The following ARHGEF7 variants were observed in gnomAD, a reference collection of about 807,000 sequenced individuals.
ARHGEF7 encodes PAK-interacting exchange factor beta.
Under a neutral mutation model 109.8 loss-of-function variants are expected in ARHGEF7, and 33 were observed. That is an observed-to-expected ratio of 0.30 (90% CI 0.23 to 0.40). The LOEUF is 0.40. Ranked by LOEUF, ARHGEF7 falls within the 10% of genes least tolerant of loss-of-function variation. ARHGEF7 has a pLI of 1.00. For synonymous variants in ARHGEF7, 458 were observed against 424.6 expected (o/e 1.08, Z -0.97); for missense variants, 938 against 1,098.5 (o/e 0.85, Z 2.07).
At chr13:111,259,043 A>G (rs1192889164) in intron 8 of ARHGEF7, among the ~76,000 whole-genome samples, 1 of 152,166 alleles carries the variant, frequency 6.6e-6, no homozygotes, top group Non-Finnish European at 1.5e-5. Flanking sequence ...CTTGGGTGCC[A>G]CAAGAAATAT....
At chr13:111,164,413 C>G (rs1185085040) in intron 2 of ARHGEF7, among the ~76,000 whole-genome samples, 1 of 152,182 alleles carries the variant, frequency 6.6e-6, no homozygotes, top group East Asian at 1.9e-4. Context: ...CTGGCAAGGC[C>G]CATGGGCAAG....
intron 4 of ARHGEF7, among the ~76,000 whole-genome samples, chr13:111,212,938 G>A (rs941192847): frequency 2.6e-5 from 4 of 152,126 alleles, no homozygotes; most frequent in Non-Finnish European, 5.9e-5. Context: ...GGAAACTGAA[G>A]CTTAGAGAAG....
At chr13:111,262,246 G>A (rs1384103071) in intron 8 of ARHGEF7, among the ~76,000 whole-genome samples, 6 of 151,984 alleles carry the variant, frequency 3.9e-5, no homozygotes, top group South Asian at 2.1e-4. Flanking sequence ...TTTCTTTTTT[G>A]TTTCTGATTT....
Position 111,243,865 on chromosome 13 carries a change from A to AT in ARHGEF7, c.760-5dup. The AT allele has an allele frequency of 6.4e-7, 1 of 1,556,706 alleles. No individual in the cohort carries two copies. Among genetic ancestry groups the AT allele is most frequent in the Non-Finnish European group, 8.8e-7 (1 of 1,133,676 alleles). ...GTCAAATAACACTTATTCATCATTT[A>AT]TTATAGGTGCTACAGAATATTTTAG... On this transcript the variant is annotated splice_region_variant and splice_polypyrimidine_tract_variant and intron_variant, in intron 6 of 21. Coordinates refer to ENST00000646102, the MANE Select transcript of ARHGEF7 (RefSeq NM_001354046.2).
intron 1 of ARHGEF7, among the ~76,000 whole-genome samples, chr13:111,127,258 A>G (rs1389604752): frequency 1.3e-5 from 2 of 152,232 alleles, no homozygotes; most frequent in East Asian, 3.8e-4. Flanking sequence ...AAATTTGTAG[A>G]TAAAATTCTT....
At position 111,273,697 on chromosome 13, in the gene ARHGEF7, G is replaced by C; in HGVS notation, c.1074-117G>C. ...TTGGGATAAAAGCTGGAGCCTTCCAGATGTTAAAAGCAACACTTATGTTTC... is the reference window on the plus strand; with the variant it reads ...TTGGGATAAAAGCTGGAGCCTTCCACATGTTAAAAGCAACACTTATGTTTC... On this transcript the variant is annotated intron_variant, in intron 9 of 21. Coordinates refer to ENST00000646102, the MANE Select transcript of ARHGEF7 (RefSeq NM_001354046.2). This position sits in a 1 kb window ranked among gnomAD's most constrained non-coding sequence, Gnocchi z 4.5. 7.1e-7 allele frequency: 1 copy of C among 1,410,098 alleles called. No homozygotes were observed. The highest frequency in any genetic ancestry group is 9.8e-7 in the Non-Finnish European group (1 of 1,019,870). The allele number at this position is 1,410,098 out of a possible 1,614,324, so 87.3% of individuals were successfully genotyped here.
intron 2 of ARHGEF7, among the ~76,000 whole-genome samples, chr13:111,180,536 C>T (rs549927334): frequency 6.6e-6 from 1 of 152,310 alleles, no homozygotes; most frequent in Admixed American, 6.5e-5. Context: ...AGAGGAGCTT[C>T]TCAGTACCAG....
intron 1 of ARHGEF7, among the ~76,000 whole-genome samples, chr13:111,132,373 T>C (rs1284366979): frequency 6.6e-6 from 1 of 152,178 alleles, no homozygotes. Flanking sequence ...CTTTGATTCA[T>C]TTGATAGTGA....
chr13:111,143,143 A>T (rs947196803), intron 1 of ARHGEF7, among the ~76,000 whole-genome samples: 2 of 152,214 alleles, frequency 1.3e-5, no homozygotes, highest in Non-Finnish European at 2.9e-5. Flanking sequence ...AGCACTCGGG[A>T]CTGCAGGGAC....
intron 8 of ARHGEF7, among the ~76,000 whole-genome samples, chr13:111,267,227 T>C (rs2091726418): frequency 6.6e-6 from 1 of 152,252 alleles, no homozygotes. Context: ...TCAATAATTC[T>C]CCTTATTTTA....
At chr13:111,169,369 G>A (rs920573976) in intron 2 of ARHGEF7, among the ~76,000 whole-genome samples, 13 of 152,130 alleles carry the variant, frequency 8.5e-5, no homozygotes, top group Non-Finnish European at 1.5e-5. Context: ...TTCTGGAGAG[G>A]CCTCAGGAAA....
intron 2 of ARHGEF7, among the ~76,000 whole-genome samples, chr13:111,195,035 T>C (rs944922135): frequency 3.3e-5 from 5 of 152,164 alleles, no homozygotes; most frequent in Non-Finnish European, 5.9e-5. Context: ...ACCCCTAGAA[T>C]TGGGGTGTTG....
chr13:111,125,941 G>T lies in ARHGEF7; in HGVS notation c.165+10250G>T, dbSNP rs78692757. Among the ~76,000 whole-genome samples, 761 of 152,302 alleles carry T rather than the reference G, an allele frequency of 5.0e-3. 13 individuals are homozygous for T. Among genetic ancestry groups the T allele is most frequent in the African/African-American group, 0.017 (697 of 41,566 alleles). ...ATTGGGAGATTCAGAGGATATTCCT[G>T]GTTCTGATTGTGTCTGTTTGGCTCC... On this transcript the variant is annotated intron_variant, in intron 1 of 21. Transcript: ENST00000646102.
intron 2 of ARHGEF7, among the ~76,000 whole-genome samples, chr13:111,167,086 CGGTT>C (rs2077190186): frequency 6.6e-6 from 1 of 152,072 alleles, no homozygotes; most frequent in African/African-American, 2.4e-5. Context: ...CCTGAGTAAA[CGGTT>C]GGTTTGTTCT....
intron 5 of ARHGEF7, among the ~76,000 whole-genome samples, chr13:111,231,154 G>A (rs1326894457): frequency 2.6e-5 from 4 of 152,200 alleles, no homozygotes; most frequent in Non-Finnish European, 4.4e-5. Context: ...AGTCTCCCCT[G>A]CAATGTTGTT....
intron 2 of ARHGEF7, among the ~76,000 whole-genome samples, chr13:111,193,467 G>A (rs375852229): frequency 3.9e-5 from 6 of 152,130 alleles, no homozygotes; most frequent in Admixed American, 1.3e-4. Flanking sequence ...TTTGCACTGC[G>A]TGCAATGACT....
intron 21 of ARHGEF7, among the ~76,000 whole-genome samples, chr13:111,302,690 T>G (rs1412393016): frequency 6.6e-6 from 1 of 152,222 alleles, no homozygotes; most frequent in Non-Finnish European, 1.5e-5. Flanking sequence ...GGATAGGAGC[T>G]GTCTCGTCCG....
intron 2 of ARHGEF7, among the ~76,000 whole-genome samples, chr13:111,174,548 A>G (rs1690692827): frequency 6.6e-6 from 1 of 152,172 alleles, no homozygotes; most frequent in Non-Finnish European, 1.5e-5. Flanking sequence ...TGGTCATTAC[A>G]AGGAGCTGGG....
At chr13:111,153,400 G>A (rs1208253306) in intron 1 of ARHGEF7, among the ~76,000 whole-genome samples, 1 of 152,138 alleles carries the variant, frequency 6.6e-6, no homozygotes, top group Non-Finnish European at 1.5e-5. Context: ...GCCGAGCGCG[G>A]AGCCGGGCCT....
Sources: gnomAD v4.1 joint callset for allele counts (sites outside exome capture counted in the v4.1 genomes callset) on GRCh38, gnomAD v4.1.1 for gene constraint, Gnocchi (gnomAD v3.1) non-coding constraint, MANE v1.5 for transcripts, NCBI Gene and HGNC (gene_info 2026-07-23, HGNC 2026-07-21) for gene names.